Variants in SLC66A3 observed in about 807,000 individuals in gnomAD.
SLC66A3 encodes PQ loop repeat containing 3.
SLC66A3 carries 23 observed loss-of-function variants against 25.5 expected under a neutral mutation model. The observed-to-expected ratio is 0.90, with a 90% CI of 0.65 to 1.28. The LOEUF is 1.28. SLC66A3 is among the 50% of genes most tolerant of loss of function. The probability of loss-of-function intolerance (pLI) is 0.00; values close to 1 mark genes in which losing one functional copy is unlikely to be tolerated. For synonymous variants in SLC66A3, 108 were observed against 112.6 expected (o/e 0.96, Z 0.26); for missense variants, 246 against 262.1 (o/e 0.94, Z 0.42).
intron 4 of SLC66A3, among the ~76,000 whole-genome samples, chr2:11,164,494 A>T (rs1266457085): frequency 7.4e-6 from 1 of 135,230 alleles, no homozygotes; most frequent in Non-Finnish European, 1.6e-5. Context: ...GGCATGTGCC[A>T]CCACACCCAG....
intron 4 of SLC66A3, among the ~76,000 whole-genome samples, chr2:11,169,357 C>T (rs1295608262): frequency 3.3e-5 from 5 of 152,206 alleles, no homozygotes; most frequent in Non-Finnish European, 7.3e-5. Context: ...CCGAGTGTTC[C>T]CCATGAGCTT....
chr2:11,164,588 G>T lies in SLC66A3; in HGVS notation c.354+327G>T, dbSNP rs1662250315. ...TATTCTTGGGTGTTTCTTGCAGAGGGGGATTTGGCAGGGTCACAGGACAAT... is the reference window on the plus strand; with the variant it reads ...TATTCTTGGGTGTTTCTTGCAGAGGTGGATTTGGCAGGGTCACAGGACAAT... On this transcript the variant is annotated intron_variant, in intron 4 of 6. Transcript: ENST00000295083. Among the ~76,000 whole-genome samples, 3 of 150,784 alleles carry T rather than the reference G, an allele frequency of 2.0e-5. No homozygotes were observed. In the Admixed American group the frequency reaches 2.0e-4, roughly 10 times the overall value.
intron 1 of SLC66A3, among the ~76,000 whole-genome samples, chr2:11,155,991 C>A (rs933412984): frequency 3.3e-5 from 5 of 152,204 alleles, no homozygotes; most frequent in African/African-American, 1.2e-4. Flanking sequence ...AGTGACAAAA[C>A]CTGCTGGCCC....
rs1267294919 is a variant in SLC66A3 at position 11,178,156 on chromosome 2, T to G, written c.*328T>G. ...AGTTCTCTATGAAGAACTACATTGA[T>G]TTGTTGGCTTTCAGAATCTTTTAGG... On this transcript the variant is annotated 3_prime_UTR_variant, in exon 7 of 7. Transcript: ENST00000295083. 3 of 185,420 alleles carry G rather than the reference T, an allele frequency of 1.6e-5. No individual in the cohort carries two copies. Among genetic ancestry groups the G allele is most frequent in the Non-Finnish European group, 1.1e-5 (1 of 90,800 alleles). The allele number at this position is 185,420 out of a possible 1,614,324, so 11.5% of individuals were successfully genotyped here.
At position 11,155,470 on chromosome 2, in the gene SLC66A3, C is replaced by G; in HGVS notation, c.-77C>G. On this transcript the variant is annotated 5_prime_UTR_variant, in exon 1 of 7. Transcript: ENST00000295083. ...GGGCGGATCCCGGGAAGGCGGAAGG[C>G]TTCGGCAGAGCTGCGCCGCCGAGGC... The G allele has an allele frequency of 7.3e-7, 1 of 1,366,780 alleles. No individual in the cohort carries two copies. Among genetic ancestry groups the G allele is most frequent in the Non-Finnish European group, 9.4e-7 (1 of 1,061,210 alleles). The allele number at this position is 1,366,780 out of a possible 1,614,324, so 84.7% of individuals were successfully genotyped here.
intron 4 of SLC66A3, among the ~76,000 whole-genome samples, 159 bp from the exon 5 acceptor site, chr2:11,171,766 C>T (rs1662561050): frequency 6.6e-6 from 1 of 152,106 alleles, no homozygotes; most frequent in South Asian, 2.1e-4. Flanking sequence ...GACGGTGTTT[C>T]ACCGTGCTAG....
Position 11,160,652 on chromosome 2 carries a change from A to T in SLC66A3, c.254A>T (p.His85Leu). Residue 85 changes from histidine to leucine, a missense_variant, in exon 3 of 7, where the codon CAT becomes CTT. His to Leu is a moderately conservative substitution (Grantham distance 99). Transcript: ENST00000295083. ...GTCATCCTCCTGCTCTGTATCTTTCATTTTAACGGGAACGTGAAGCAGGCC... is the reference window on the plus strand; with the variant it reads ...GTCATCCTCCTGCTCTGTATCTTTCTTTTTAACGGGAACGTGAAGCAGGCC... ...QDVILLLCIFHFNGNVKQATP... is the reference protein window; with the variant it reads ...QDVILLLCIFLFNGNVKQATP... 6.2e-7 allele frequency: 1 copy of T among 1,613,884 alleles called. No homozygotes were observed. The highest frequency in any genetic ancestry group is 8.5e-7 in the Non-Finnish European group (1 of 1,179,986).
intron 4 of SLC66A3, among the ~76,000 whole-genome samples, chr2:11,164,668 G>T (rs2147990283): frequency 6.6e-6 from 1 of 151,496 alleles, no homozygotes; most frequent in South Asian, 2.1e-4. Context: ...GGTTTTCCTA[G>T]GCAGAGGACC....
At chr2:11,172,785 A>T (rs1389472925) in intron 5 of SLC66A3, 1 of 437,000 alleles carries the variant, frequency 2.3e-6, no homozygotes, top group Non-Finnish European at 4.6e-6. Flanking sequence ...GAGTGCAGTG[A>T]TACGATCTTC....
chr2:11,164,726 A>AGTG (rs199763417), intron 4 of SLC66A3, among the ~76,000 whole-genome samples: 6,148 of 151,246 alleles, frequency 0.041, 246 homozygotes, highest in Non-Finnish European at 0.058. Context: ...GAGATTAGGG[A>AGTG]GTGGTGATGA....
chr2:11,171,305 G>A (rs1203162957), intron 4 of SLC66A3, among the ~76,000 whole-genome samples: 1 of 152,134 alleles, frequency 6.6e-6, no homozygotes, highest in Non-Finnish European at 1.5e-5. Flanking sequence ...GCAACAGAGT[G>A]AGACTCTGTC....
chr2:11,161,275 TGTTTCA>T (rs1558250887), intron 3 of SLC66A3, among the ~76,000 whole-genome samples: 2 of 148,462 alleles, frequency 1.3e-5, no homozygotes, highest in African/African-American at 2.5e-5. Context: ...TTTTTTTTTT[TGTTTCA>T]TTTTTGGTTT....
chr2:11,177,952 GT>G lies in SLC66A3; in HGVS notation c.*131del, dbSNP rs890216153. The G allele has an allele frequency of 6.3e-6, 4 of 638,540 alleles. No individual in the cohort carries two copies. Among genetic ancestry groups the G allele is most frequent in the East Asian group, 2.9e-5 (1 of 34,830 alleles). 39.6% of individuals were successfully genotyped at this position (638,540 alleles called of 1,614,324 possible). On this transcript the variant is annotated 3_prime_UTR_variant, in exon 7 of 7. Transcript: ENST00000295083. ...CAGTTTATAATCTTTAAAGCCAAAGGTTTTTTTAGACTTGAAAGAAAGAGCC... is the reference window on the plus strand; with the variant it reads ...CAGTTTATAATCTTTAAAGCCAAAGGTTTTTTAGACTTGAAAGAAAGAGCC...
Position 11,165,889 on chromosome 2 carries a change from G to A in SLC66A3, c.354+1628G>A, listed in dbSNP as rs186922054. 7.1e-3 allele frequency among the ~76,000 whole-genome samples: 1,083 copies of A among 151,930 alleles called. 5 individuals are homozygous for A. The highest frequency in any genetic ancestry group is 0.023 in the African/African-American group (969 of 41,508). On this transcript the variant is annotated intron_variant, in intron 4 of 6. Transcript: ENST00000295083. Reference sequence around the variant, plus strand: ...AAACCAGTCAGGCGTGGCGGCGCACGCCTGCAATCCCAGGCACTCGGCAGG... The same window carrying A: ...AAACCAGTCAGGCGTGGCGGCGCACACCTGCAATCCCAGGCACTCGGCAGG...
At chr2:11,169,073 G>T (rs1662455071) in intron 4 of SLC66A3, among the ~76,000 whole-genome samples, 1 of 152,020 alleles carries the variant, frequency 6.6e-6, no homozygotes, top group Non-Finnish European at 1.5e-5. Context: ...GGTCAGGCTG[G>T]TCTCGAACTC....
At chr2:11,176,360 C>A (rs1003658846) in intron 6 of SLC66A3, among the ~76,000 whole-genome samples, 2 of 151,596 alleles carry the variant, frequency 1.3e-5, no homozygotes, top group African/African-American at 4.9e-5. Context: ...GGATTACAGG[C>A]ATGCGCTACT....
chr2:11,157,333 C>T (rs1314989135), intron 1 of SLC66A3, among the ~76,000 whole-genome samples: 2 of 152,214 alleles, frequency 1.3e-5, no homozygotes, highest in African/African-American at 4.8e-5. Context: ...CAGTTGATCA[C>T]GTGCAGGTAA....
rs1662815467 is a variant in SLC66A3, at chr2:11,177,785, T to G, written c.566T>G (p.Val189Gly). The G allele has an allele frequency of 6.2e-7, 1 of 1,611,636 alleles. No individual in the cohort carries two copies. The highest frequency in any genetic ancestry group is 8.5e-7 in the Non-Finnish European group (1 of 1,178,528). Reference protein sequence around the residue: ...IMLALNIWVTVTVLRYRKTAI... With the variant: ...IMLALNIWVTGTVLRYRKTAI... ...CTGGCTTTAAATATATGGGTAACAGTGACAGTACTTCGCTACCGGAAGACC... is the reference window on the plus strand; with the variant it reads ...CTGGCTTTAAATATATGGGTAACAGGGACAGTACTTCGCTACCGGAAGACC... The change falls in exon 7 of 7, where the codon GTG becomes GGG. Residue 189 changes from valine (V) to glycine (G), a missense_variant. By Grantham distance (109) the Val-to-Gly change is moderately radical. Transcript: ENST00000295083.
At position 11,155,750 on chromosome 2, in the gene SLC66A3, C is replaced by T. The variant is rs1194077609; in HGVS notation, c.143+61C>T. The stretch of plus-strand genomic sequence containing the variant: ...CCTCGCAGCTGCTGCCGGCTGGGAG[C>T]CCAGGAGAGCCTCGGCTCGAAGTAG... On this transcript the variant is annotated intron_variant, in intron 1 of 6. Coordinates refer to ENST00000295083, the MANE Select transcript of SLC66A3 (RefSeq NM_152391.5). 7 of 1,293,892 alleles carry T rather than the reference C, an allele frequency of 5.4e-6. No homozygotes were observed. In the African/African-American group the frequency reaches 6.2e-5, roughly 11 times the overall value. 80.2% of individuals were successfully genotyped at this position (1,293,892 alleles called of 1,614,324 possible). A position where few individuals can be genotyped will look rare whatever the true frequency, so the allele number is the denominator to read the frequency against.
Sources: allele counts gnomAD v4.1 joint callset (sites outside exome capture counted in the v4.1 genomes callset), GRCh38; gene constraint gnomAD v4.1.1; transcripts MANE v1.5; gene names NCBI Gene and HGNC (gene_info 2026-07-23, HGNC 2026-07-21).